CUBN: variants seen among roughly 807,000 people sequenced by gnomAD.
CUBN encodes 460 kDa receptor.
A neutral mutation model predicts 405.3 loss-of-function variants in CUBN; 282 were observed. The ratio of observed to expected loss-of-function variants is 0.70; its 90% CI spans 0.63 to 0.77. The LOEUF is 0.77. Ranked by LOEUF, CUBN falls within the 30% of genes least tolerant of loss-of-function variation. The pLI, the probability that CUBN is intolerant of heterozygous loss-of-function variation, is 0.00. For missense variants in CUBN, 4,514 were observed against 4,475.2 expected, an observed-to-expected ratio of 1.01 and a Z score of -0.25; for synonymous variants, 1,684 against 1,617.0, an observed-to-expected ratio of 1.04 and a Z score of -0.99.
chr10:16,920,048 C>T lies in CUBN; in HGVS notation c.6736G>A (p.Asp2246Asn). 6.2e-7 allele frequency: 1 copy of T among 1,614,014 alleles called. No homozygotes were observed. Among genetic ancestry groups the T allele is most frequent in the Non-Finnish European group, 8.5e-7 (1 of 1,179,968 alleles). The change falls in exon 44 of 67, where the codon GAT becomes AAT. Residue 2246 changes from aspartate (D) to asparagine (N), a missense_variant. Physicochemically the swap from Asp to Asn is conservative, Grantham distance 23. Coordinates refer to ENST00000377833, the MANE Select transcript of CUBN (RefSeq NM_001081.4). ...GGAGCCGCTAAGATCCAAATGCAAT[C>T]AGCGTGCGGGGGATAATTATGAGGG... is the stretch of plus-strand genomic sequence containing the variant. ...NHPHNYPPHA[D>N]CIWILAAPPE...
intron 28 of CUBN, among the ~76,000 whole-genome samples, chr10:17,007,538 T>C (rs1588574769): frequency 6.6e-6 from 1 of 151,966 alleles, no homozygotes; most frequent in Non-Finnish European, 1.5e-5. Flanking sequence ...TCAGAAGCAG[T>C]GCTCAGGAAA....
chr10:17,049,250 A>G (rs1200363285), intron 22 of CUBN, among the ~76,000 whole-genome samples: 1 of 152,230 alleles, frequency 6.6e-6, no homozygotes, highest in African/African-American at 2.4e-5. Context: ...TAAAAAAAGG[A>G]CATCAAATGA....
intron 58 of CUBN, among the ~76,000 whole-genome samples, chr10:16,873,821 A>G (rs924955467): frequency 6.6e-6 from 1 of 152,142 alleles, no homozygotes; most frequent in Admixed American, 6.5e-5. Flanking sequence ...CCTGGCATGA[A>G]TACACATTTT....
At chr10:17,051,506 A>C (rs952643071) in intron 22 of CUBN, among the ~76,000 whole-genome samples, 4 of 152,218 alleles carry the variant, frequency 2.6e-5, no homozygotes, top group African/African-American at 4.8e-5. Flanking sequence ...TAAAAGAGAA[A>C]GACTTTAAAG....
intron 22 of CUBN, among the ~76,000 whole-genome samples, chr10:17,050,768 G>C (rs181516547): frequency 9.9e-5 from 15 of 152,248 alleles, no homozygotes; most frequent in African/African-American, 3.4e-4. Flanking sequence ...GAACTTCCGG[G>C]CCAAAGGATA....
intron 54 of CUBN, among the ~76,000 whole-genome samples, chr10:16,895,026 C>T (rs1337860826): frequency 6.6e-6 from 1 of 152,178 alleles, no homozygotes; most frequent in East Asian, 1.9e-4. Flanking sequence ...TGTTTGGCCT[C>T]TTACACCACA....
chr10:16,841,107 C>T, intron 60 of CUBN, 60 bp from the exon 61 acceptor site: 1 of 1,501,182 alleles, frequency 6.7e-7, no homozygotes, highest in Non-Finnish European at 9.2e-7. Context: ...ATATTTCACA[C>T]TAAATTGGAC....
At chr10:16,861,710 C>T (rs551412195) in intron 59 of CUBN, among the ~76,000 whole-genome samples, 10 of 152,234 alleles carry the variant, frequency 6.6e-5, no homozygotes, top group African/African-American at 2.4e-4. Context: ...CGTTTACCCT[C>T]TTACCCACTG....
At chr10:16,954,952 C>T (rs776978608) in intron 31 of CUBN, among the ~76,000 whole-genome samples, 72 of 152,106 alleles carry the variant, frequency 4.7e-4, no homozygotes, top group Non-Finnish European at 9.0e-4. Flanking sequence ...TGTCAGAATC[C>T]CAACATTTGT....
In CUBN at chr10:17,067,761, GT is replaced by G. The variant is rs1835643954; in HGVS notation, c.3008+302del. Among the ~76,000 whole-genome samples, 4 of 152,146 alleles carry G rather than the reference GT, an allele frequency of 2.6e-5. No homozygotes were observed. In the South Asian group the frequency reaches 8.3e-4, roughly 31 times the overall value. On this transcript the variant is annotated intron_variant, in intron 21 of 66. Coordinates refer to ENST00000377833, the MANE Select transcript of CUBN (RefSeq NM_001081.4). ...TACAGAGATAGAAAGTAGATTTGTG[GT>G]TTCCTGTGGGTGGGGGTGAGGAACA...
chr10:17,105,547 C>T lies in CUBN; in HGVS notation c.1140G>A (p.Pro380=), dbSNP rs778387329. 10 of 1,609,252 alleles carry T rather than the reference C, an allele frequency of 6.2e-6. No homozygotes were observed. The highest frequency in any genetic ancestry group is 2.7e-5 in the African/African-American group (2 of 74,786). ...LGSLPLCTCL[P]GYTGNGYGPN... is the part of the protein sequence containing the mutation. ...GCCCATAACCATTTCCAGTATAACC[C>T]GGGAGACACGTGCAGAGAGGTAAGG... The change falls in exon 11 of 67, where the codon CCG becomes CCA. Residue 380 remains proline (P), a synonymous_variant. Transcript: ENST00000377833.
At chr10:17,105,901 T>C (rs1324366897) in intron 10 of CUBN, among the ~76,000 whole-genome samples, 4 of 152,208 alleles carry the variant, frequency 2.6e-5, no homozygotes, top group Admixed American at 2.6e-4. Context: ...TTCCTCATCA[T>C]GGAGGAGTTA....
rs1291060812 is a variant in CUBN at position 17,122,845 on chromosome 10, G to T, written c.543C>A (p.Pro181=). The change falls in exon 6 of 67, where the codon CCC becomes CCA. Residue 181 remains proline (P), a synonymous_variant. Transcript: ENST00000377833. ...VNECEIYSGT[P]LSCQNGGTCV... ...ATGTGCCTCCATTCTGGCAGCTCAA[G>T]GGTGTTCCTGAGTAAATCTCACATT... is the stretch of plus-strand genomic sequence containing the variant. The T allele has an allele frequency of 6.8e-6, 11 of 1,613,600 alleles. No individual in the cohort carries two copies. Among genetic ancestry groups the T allele is most frequent in the Non-Finnish European group, 9.3e-6 (11 of 1,179,926 alleles).
chr10:17,068,600 CT>C lies in CUBN; in HGVS notation c.2791+4del. On this transcript the variant is annotated splice_donor_region_variant and intron_variant, in intron 20 of 66. Coordinates refer to ENST00000377833, the MANE Select transcript of CUBN (RefSeq NM_001081.4). ...GAGGAAAAAAAAAAGGGAACAGTCT[CT>C]TACCCAAATCCTCAGCACTGAACTT... 6.2e-7 allele frequency: 1 copy of C among 1,608,460 alleles called. No individual in the cohort carries two copies. Among genetic ancestry groups the C allele is most frequent in the Non-Finnish European group, 8.5e-7 (1 of 1,176,214 alleles).
At position 16,876,976 on chromosome 10, in the gene CUBN, G is replaced by A. The variant is rs1324511563; in HGVS notation, c.9027C>T (p.Ile3009=). 1.6e-5 allele frequency: 26 copies of A among 1,614,024 alleles called. No homozygotes were observed. Among genetic ancestry groups the A allele is most frequent in the Middle Eastern group, 1.6e-4 (1 of 6,084 alleles). The stretch of plus-strand genomic sequence containing the variant: ...AGAAGTTAAGCAGAACCGGCCCAGC[G>A]ATGGTGAGGGGAGCTGGCATCTCAT... ...CGDEMPAPLT[I]AGPVLLNFYS... is the part of the protein sequence containing the mutation. Residue 3009 remains isoleucine (I), a synonymous_variant, in exon 57 of 67, where the codon ATC becomes ATT. Coordinates refer to ENST00000377833, the MANE Select transcript of CUBN (RefSeq NM_001081.4).
intron 32 of CUBN, 136 bp downstream of exon 32, chr10:16,954,253 T>C: frequency 2.9e-6 from 3 of 1,034,214 alleles, no homozygotes; most frequent in Non-Finnish European, 4.6e-6. Context: ...GTCACAGTTC[T>C]TTTGTTCTAT....
chr10:16,930,387 AAGCCACTTTGCTGTATGCAAGGGCAT>A (rs1479831451), intron 40 of CUBN, among the ~76,000 whole-genome samples: 1 of 152,222 alleles, frequency 6.6e-6, no homozygotes, highest in African/African-American at 2.4e-5. Context: ...CAGGAGTTAC[AAGCCACTTTGCTGTATGCAAGGGCAT>A]AGAGATAGAA....
At chr10:16,904,447 T>C (rs1271363088) in intron 50 of CUBN, among the ~76,000 whole-genome samples, 1 of 152,214 alleles carries the variant, frequency 6.6e-6, no homozygotes, top group Non-Finnish European at 1.5e-5. Flanking sequence ...ACACCTTTTG[T>C]AGGGTGTAAG....
chr10:17,111,018 T>A lies in CUBN; in HGVS notation c.916A>T (p.Ile306Phe). The A allele has an allele frequency of 6.2e-7, 1 of 1,614,200 alleles. No homozygotes were observed. The highest frequency in any genetic ancestry group is 1.1e-5 in the South Asian group (1 of 91,090). The change falls in exon 9 of 67, where the codon ATC (isoleucine) becomes TTC (phenylalanine). Residue 306 changes from isoleucine to phenylalanine, a missense_variant. Ile to Phe is a conservative substitution (Grantham distance 21). Around this residue, in one of 5 missense-constraint regions of CUBN, gnomAD observed 1,448 missense variants for 1,388.0 expected, o/e 1.04. Transcript: ENST00000377833. ...CCGTTATTTATCTCACATTCATTGA[T>A]ATCTTCGCAAATATATCCATTGCCT... ...WQGNGYICED[I>F]NECEINNGGC...
Sources: allele counts gnomAD v4.1 joint callset (sites outside exome capture counted in the v4.1 genomes callset), GRCh38; gene constraint gnomAD v4.1.1; regional missense constraint gnomAD v4.1.1; transcripts MANE v1.5; gene names NCBI Gene and HGNC (gene_info 2026-07-23, HGNC 2026-07-21).